The following HNRNPL variants were observed in gnomAD, a reference collection of about 807,000 sequenced individuals.
The protein encoded by HNRNPL is epididymis secretory sperm binding protein.
HNRNPL carries 12 observed loss-of-function variants against 64.0 expected under a neutral mutation model. The observed-to-expected ratio is 0.19, with a 90% CI of 0.12 to 0.30. The LOEUF is 0.30. Ranked by LOEUF, HNRNPL falls within the 10% of genes least tolerant of loss-of-function variation. HNRNPL has a pLI of 1.00. For missense variants in HNRNPL, 484 were observed against 797.4 expected (o/e 0.61, Z 4.73); for synonymous variants, 385 against 313.0 (o/e 1.23, Z -2.43).
Position 38,837,179 on chromosome 19 carries a change from G to C in HNRNPL, c.1711+205C>G, listed in dbSNP as rs543943153. On this transcript the variant is annotated intron_variant, in intron 12 of 12. Transcript: ENST00000221419. ...AGCCTGAGCAACTCCCAAGCTGGCA[G>C]AGTGAGTGGCAGCAGGCAGTCAGGC... The C allele has an allele frequency of 1.1e-4, 63 of 594,534 alleles. No homozygotes were observed. The South Asian group carries it at 1.2e-3, about 12-fold the overall frequency. 36.8% of individuals were successfully genotyped at this position (594,534 alleles called of 1,614,324 possible).
At chr19:38,848,265 G>A (rs982724541) in intron 1 of HNRNPL, among the ~76,000 whole-genome samples, 3 of 151,946 alleles carry the variant, frequency 2.0e-5, no homozygotes, top group Non-Finnish European at 4.4e-5. Flanking sequence ...TAATTTTTTT[G>A]TATTTTTAGT....
At chr19:38,845,393 CAG>C (rs958459017) in intron 4 of HNRNPL, 6 of 470,010 alleles carry the variant, frequency 1.3e-5, no homozygotes, top group African/African-American at 5.9e-5. Context: ...AAGTAAATAA[CAG>C]AAAGAAAACA....
chr19:38,837,934 T>C (rs531498462), intron 10 of HNRNPL, among the ~76,000 whole-genome samples: 62 of 152,378 alleles, frequency 4.1e-4, no homozygotes, highest in African/African-American at 1.5e-3. Flanking sequence ...GTTTGCTGAA[T>C]GCAAGGTCAA....
upstream of HNRNPL, among the ~76,000 whole-genome samples, chr19:38,851,456 A>G (rs975299801): frequency 2.5e-4 from 38 of 152,296 alleles, no homozygotes; most frequent in African/African-American, 8.9e-4. Flanking sequence ...TAGCGAAGCT[A>G]TTGGCAAGTG....
chr19:38,843,698 G>T (rs1034792255), intron 6 of HNRNPL, 144 bp downstream of exon 6: 1 of 665,014 alleles, frequency 1.5e-6, no homozygotes, highest in Non-Finnish European at 2.7e-6. Flanking sequence ...TCCCACTAGG[G>T]TGTCCAAGTG....
At chr19:38,837,741 C>T in intron 10 of HNRNPL, 90 bp from the exon 11 acceptor site, 1 of 1,131,388 alleles carries the variant, frequency 8.8e-7, no homozygotes, top group South Asian at 1.3e-5. Context: ...TGACTCAGTA[C>T]TTGAAGTTTT....
chr19:38,841,285 A>G (rs763235973), intron 6 of HNRNPL: 4 of 330,422 alleles, frequency 1.2e-5, no homozygotes, highest in South Asian at 2.4e-5. Flanking sequence ...CAGACATCAC[A>G]GCTTCTGAAA....
rs552220975 is a variant in HNRNPL at position 38,844,003 on chromosome 19, T to C, written c.807+5A>G. The C allele has an allele frequency of 9.3e-6, 15 of 1,612,546 alleles. No individual in the cohort carries two copies. Among genetic ancestry groups the C allele is most frequent in the Middle Eastern group, 1.7e-4 (1 of 6,060 alleles). On this transcript the variant is annotated splice_donor_5th_base_variant and intron_variant, in intron 5 of 12. Transcript: ENST00000221419. ...AAGGGGCAGTCAGTCACCTCCCAGA[T>C]GTACCTTTGCGTATTCGATCTTCAG...
At position 38,849,698 on chromosome 19, in the gene HNRNPL, AC is replaced by A; in HGVS notation, c.267+1del. ...TCCCAGCGCCTAGGGCCCTGGCCTC[AC>A]CCCACCGCCGCCGCCGCCCGCCGCC... On this transcript the variant is annotated splice_donor_variant, in intron 1 of 12. Coordinates refer to ENST00000221419, the MANE Select transcript of HNRNPL (RefSeq NM_001533.3). LOFTEE classifies it high-confidence loss of function. 1 of 1,354,338 alleles carries A rather than the reference AC, an allele frequency of 7.4e-7. No individual in the cohort carries two copies. The highest frequency in any genetic ancestry group is 9.4e-7 in the Non-Finnish European group (1 of 1,063,672). The allele number at this position is 1,354,338 out of a possible 1,614,324, so 83.9% of individuals were successfully genotyped here. A position where few individuals can be genotyped will look rare whatever the true frequency, so the allele number is the denominator to read the frequency against.
At chr19:38,840,455 G>C (rs201026923) in intron 7 of HNRNPL, 33 bp downstream of exon 7, 1 of 1,568,702 alleles carries the variant, frequency 6.4e-7, no homozygotes, top group Non-Finnish European at 8.6e-7. Flanking sequence ...CATGAGCCAC[G>C]GGAGTCCACG....
chr19:38,845,247 C>T (rs1270094067), intron 4 of HNRNPL: 1 of 88,418 alleles, frequency 1.1e-5, no homozygotes, highest in Non-Finnish European at 2.7e-5. Context: ...AATTAGCAGG[C>T]GCCTATAATC....
intron 4 of HNRNPL, 67 bp from the exon 5 acceptor site, chr19:38,844,171 T>A (rs2278011): frequency 0.66 from 670,862 of 1,022,968 alleles, 224,672 homozygotes; most frequent in South Asian, 0.74. Context: ...TACCCCAGAG[T>A]GTGATAAGGA....
upstream of HNRNPL, among the ~76,000 whole-genome samples, chr19:38,850,552 C>G (rs1459188134): frequency 6.6e-6 from 1 of 152,168 alleles, no homozygotes; most frequent in Non-Finnish European, 1.5e-5. Context: ...GGAGCCCCGC[C>G]CCAGGGTAGG....
chr19:38,849,811 ACTGCCGCCGCCGTAGTAG>A lies in HNRNPL; in HGVS notation c.138_155del (p.Tyr47_Ser52del). On this transcript the variant is annotated inframe_deletion, in exon 1 of 13. Transcript: ENST00000221419. The stretch of plus-strand genomic sequence containing the variant: ...GCCGCTTAGGGGCCCGGCCGCCCTC[ACTGCCGCCGCCGTAGTAG>A]CGGCCACCGCCGCCTCCGCCGCCCG... 7.8e-7 allele frequency: 1 copy of A among 1,280,678 alleles called. No homozygotes were observed. Among genetic ancestry groups the A allele is most frequent in the Non-Finnish European group, 1.1e-6 (1 of 934,594 alleles). 79.3% of individuals were successfully genotyped at this position (1,280,678 alleles called of 1,614,324 possible).
chr19:38,841,387 TAA>T (rs771063557), intron 6 of HNRNPL: 1 of 357,400 alleles, frequency 2.8e-6, no homozygotes, highest in South Asian at 2.1e-5. Context: ...ACTGAGCAGT[TAA>T]AAGACACTTT....
intron 1 of HNRNPL, chr19:38,849,410 G>C (rs1251690369): frequency 3.1e-5 from 11 of 359,966 alleles, no homozygotes; most frequent in Admixed American, 4.7e-5. Flanking sequence ...GCCGGGCCGC[G>C]TGCCCGGCCC....
chr19:38,842,421 CTT>C (rs543992276), intron 6 of HNRNPL: 1 of 151,890 alleles, frequency 6.6e-6, no homozygotes, highest in African/African-American at 2.4e-5. Flanking sequence ...GGATTTTGAC[CTT>C]TTTTTTAATG....
chr19:38,836,691 T>G lies in HNRNPL; in HGVS notation c.*31A>C. The stretch of plus-strand genomic sequence containing the variant: ...CATAAAGGAAAGAGAAATGTCTTCC[T>G]GCTCAGATGGGACTCTTCCTAGGCA... On this transcript the variant is annotated 3_prime_UTR_variant, in exon 13 of 13. Transcript: ENST00000221419. 2 of 1,495,798 alleles carry G rather than the reference T, an allele frequency of 1.3e-6. No individual in the cohort carries two copies. Among genetic ancestry groups the G allele is most frequent in the Non-Finnish European group, 1.8e-6 (2 of 1,093,510 alleles). 92.7% of individuals were successfully genotyped at this position (1,495,798 alleles called of 1,614,324 possible). A position where few individuals can be genotyped will look rare whatever the true frequency, so the allele number is the denominator to read the frequency against.
chr19:38,838,681 T>C (rs1241698089), intron 9 of HNRNPL, 83 bp from the exon 10 acceptor site: 2 of 1,429,600 alleles, frequency 1.4e-6, no homozygotes, highest in Admixed American at 3.6e-5. Flanking sequence ...GAGGCTTAGC[T>C]TGCCCTGTGT....
Sources: allele counts gnomAD v4.1 joint callset (sites outside exome capture counted in the v4.1 genomes callset), GRCh38; gene constraint gnomAD v4.1.1; transcripts MANE v1.5; gene names NCBI Gene and HGNC (gene_info 2026-07-23, HGNC 2026-07-21).